The following UVRAG variants were observed in gnomAD, a reference collection of about 807,000 sequenced individuals.
UVRAG encodes UV radiation resistance-associated gene protein.
Under a neutral mutation model 78.0 loss-of-function variants are expected in UVRAG, and 19 were observed. The ratio of observed to expected loss-of-function variants is 0.24; its 90% CI spans 0.17 to 0.36. The LOEUF (loss-of-function observed/expected upper bound fraction) is 0.36. Ranked by LOEUF, UVRAG falls within the 10% of genes least tolerant of loss-of-function variation. UVRAG has a pLI of 1.00. For synonymous variants in UVRAG, 323 were observed against 324.6 expected (o/e 1.00, Z 0.05); for missense variants, 740 against 853.8 (o/e 0.87, Z 1.66).
intron 1 of UVRAG, among the ~76,000 whole-genome samples, chr11:75,849,194 A>G (rs771201509): frequency 4.0e-5 from 6 of 149,988 alleles, no homozygotes; most frequent in Non-Finnish European, 7.4e-5. Flanking sequence ...GAAAAAAAAA[A>G]TGTTGAGATA....
At chr11:76,137,406 C>T (rs1174848659) in intron 14 of UVRAG, 2 of 456,178 alleles carry the variant, frequency 4.4e-6, no homozygotes, top group South Asian at 1.5e-5. Flanking sequence ...ATCAGTGGCC[C>T]AGAGGCAACG....
chr11:75,962,390 A>G (rs555616803), intron 7 of UVRAG, among the ~76,000 whole-genome samples: 1 of 152,154 alleles, frequency 6.6e-6, no homozygotes, highest in African/African-American at 2.4e-5. Flanking sequence ...TTTGCCCAAG[A>G]TAATCATATA....
At chr11:75,892,517 AG>A in intron 5 of UVRAG, 1 of 631,190 alleles carries the variant, frequency 1.6e-6, no homozygotes, top group Non-Finnish European at 2.0e-6. Context: ...TTCATAGAAG[AG>A]GAAGTTGGCA....
chr11:76,046,449 A>G (rs995543179), intron 12 of UVRAG, among the ~76,000 whole-genome samples: 1 of 152,312 alleles, frequency 6.6e-6, no homozygotes, highest in Non-Finnish European at 1.5e-5. Context: ...CTGGGAATAA[A>G]TTAGTGAGAG....
At chr11:76,130,801 C>G (rs1952499345) in intron 14 of UVRAG, among the ~76,000 whole-genome samples, 1 of 152,142 alleles carries the variant, frequency 6.6e-6, no homozygotes, top group African/African-American at 2.4e-5. Flanking sequence ...CCTTCCAAGT[C>G]TAGTTTTTAA....
chr11:75,950,611 T>C (rs891357081), intron 6 of UVRAG, among the ~76,000 whole-genome samples: 2 of 152,164 alleles, frequency 1.3e-5, no homozygotes, highest in Non-Finnish European at 2.9e-5. Flanking sequence ...ATTTAACTTA[T>C]TAGGTATTGC....
chr11:76,126,757 G>A (rs1489220587), intron 14 of UVRAG, among the ~76,000 whole-genome samples: 2 of 152,130 alleles, frequency 1.3e-5, no homozygotes, highest in Non-Finnish European at 2.9e-5. Context: ...ATATCTGTGT[G>A]CTCTGTACTA....
chr11:76,006,900 C>G (rs1335962444), intron 9 of UVRAG, among the ~76,000 whole-genome samples: 1 of 152,174 alleles, frequency 6.6e-6, no homozygotes, highest in Non-Finnish European at 1.5e-5. Context: ...TACTCAGACT[C>G]TCTAAATATT....
chr11:75,859,980 C>T (rs1946381903), intron 2 of UVRAG, among the ~76,000 whole-genome samples: 1 of 152,184 alleles, frequency 6.6e-6, no homozygotes, highest in African/African-American at 2.4e-5. Context: ...TGGAGTTTTG[C>T]TCTCGCTCAG....
At chr11:75,875,435 C>CAAGA (rs1263634335) in intron 3 of UVRAG, among the ~76,000 whole-genome samples, 3 of 147,380 alleles carry the variant, frequency 2.0e-5, no homozygotes, top group Non-Finnish European at 3.0e-5. Context: ...ATTTATCTTG[C>CAAGA]TTAGGACCTG....
rs61354759 is a variant in UVRAG at position 76,037,539 on chromosome 11, CAAAAAAAAA to C, written c.1226+20575_1226+20583del. On this transcript the variant is annotated intron_variant, in intron 12 of 14. Coordinates refer to ENST00000356136, the MANE Select transcript of UVRAG (RefSeq NM_003369.4). ...GCAACATTTCAAGACTTTGTCTTTA[CAAAAAAAAA>C]AAAAAAAAAAAAAAATCAGCTGGGC... 8.7e-3 allele frequency among the ~76,000 whole-genome samples: 422 copies of C among 48,524 alleles called. 5 individuals carry two copies. Among genetic ancestry groups the C allele is most frequent in the African/African-American group, 0.019 (388 of 20,754 alleles). The allele number at this position is 48,524 out of a possible 152,430, so 31.8% of individuals were successfully genotyped here.
chr11:76,018,171 T>G (rs558666219), intron 12 of UVRAG, among the ~76,000 whole-genome samples: 2 of 152,310 alleles, frequency 1.3e-5, no homozygotes, highest in East Asian at 3.9e-4. Flanking sequence ...TAATTTATAT[T>G]CAGACTAATA....
At position 76,135,496 on chromosome 11, in the gene UVRAG, C is replaced by G. The variant is rs576084265; in HGVS notation, c.1398-5215C>G. On this transcript the variant is annotated intron_variant, in intron 14 of 14. Coordinates refer to ENST00000356136, the MANE Select transcript of UVRAG (RefSeq NM_003369.4). ...CCATTGTTTGTGACCCCAGGAAATA[C>G]TTTTTTACTTATGGCAAAAGGTTAA... Among the ~76,000 whole-genome samples, 60 of 152,034 alleles carry G rather than the reference C, an allele frequency of 3.9e-4. No homozygotes were observed. The South Asian group carries it at 0.012, about 30-fold the overall frequency.
chr11:76,127,683 G>A (rs112896567), intron 14 of UVRAG, among the ~76,000 whole-genome samples: 9,379 of 148,662 alleles, frequency 0.063, 544 homozygotes, highest in African/African-American at 0.16. Flanking sequence ...GAGGCCTGGC[G>A]TGGTAGCTCA....
intron 12 of UVRAG, among the ~76,000 whole-genome samples, chr11:76,028,029 A>G (rs1175681899): frequency 1.3e-5 from 2 of 152,290 alleles, no homozygotes; most frequent in Non-Finnish European, 2.9e-5. Context: ...GTAACCTTGC[A>G]TCAAGCAAGT....
At chr11:75,853,580 C>T (rs575948726) in intron 2 of UVRAG, among the ~76,000 whole-genome samples, 214 of 149,876 alleles carry the variant, frequency 1.4e-3, no homozygotes, top group African/African-American at 4.5e-3. Flanking sequence ...AGGCTGGTCT[C>T]GAACTCCTGA....
At chr11:75,826,236 A>C (rs763345506) in intron 1 of UVRAG, among the ~76,000 whole-genome samples, 1 of 151,930 alleles carries the variant, frequency 6.6e-6, no homozygotes, top group Admixed American at 6.6e-5. Context: ...GCTCACTGCA[A>C]CCTCTGTCTC....
chr11:75,871,328 C>A lies in UVRAG; in HGVS notation c.271-8551C>A, dbSNP rs376788948. The stretch of plus-strand genomic sequence containing the variant: ...TGAGGCAGAGTCTCGCTCTTGTTGC[C>A]CAGGCTGGAGTGCAATGGTGGGATC... On this transcript the variant is annotated intron_variant, in intron 3 of 14. Coordinates refer to ENST00000356136, the MANE Select transcript of UVRAG (RefSeq NM_003369.4). 4.5e-3 allele frequency among the ~76,000 whole-genome samples: 671 copies of A among 149,008 alleles called. 4 individuals carry two copies. Among genetic ancestry groups the A allele is most frequent in the African/African-American group, 0.015 (610 of 40,234 alleles).
At chr11:75,861,664 TA>T (rs934849528) in intron 2 of UVRAG, 81 bp from the exon 3 acceptor site, 16 of 988,978 alleles carry the variant, frequency 1.6e-5, no homozygotes, top group Admixed American at 4.4e-5. Context: ...CAACATATGT[TA>T]AAAAAATTAG....
Sources: gnomAD v4.1 joint callset for allele counts (sites outside exome capture counted in the v4.1 genomes callset) on GRCh38, gnomAD v4.1.1 for gene constraint, MANE v1.5 for transcripts, NCBI Gene and HGNC (gene_info 2026-07-23, HGNC 2026-07-21) for gene names.